EP300: variants seen among roughly 807,000 people sequenced by gnomAD.
The protein encoded by EP300 is histone acetyltransferase p300.
A neutral mutation model predicts 264.0 loss-of-function variants in EP300; 31 were observed. The observed-to-expected ratio is 0.12, with a 90% CI of 0.09 to 0.16. The LOEUF (loss-of-function observed/expected upper bound fraction) is 0.16. Among genes scored for constraint, EP300 ranks in the 10% least tolerant of loss-of-function variants. The probability of loss-of-function intolerance (pLI) is 1.00; values close to 1 mark genes in which losing one functional copy is unlikely to be tolerated. For synonymous variants in EP300, 1,340 were observed against 1,045.4 expected, an observed-to-expected ratio of 1.28 and a Z score of -5.44; for missense variants, 2,766 against 3,052.9, an observed-to-expected ratio of 0.91 and a Z score of 2.21.
At chr22:41,148,096 A>G in intron 12 of EP300, 150 bp downstream of exon 12, 1 of 668,468 alleles carries the variant, frequency 1.5e-6, no homozygotes, top group South Asian at 2.4e-5. Flanking sequence ...TCTACTAGAA[A>G]GCTGACCAAA....
chr22:41,129,160 G>A (rs1012840233), intron 4 of EP300, among the ~76,000 whole-genome samples: 37 of 98,416 alleles, frequency 3.8e-4, no homozygotes, highest in Non-Finnish European at 7.2e-4. Flanking sequence ...ACAGGCGCCC[G>A]CCACCATGGC....
At position 41,179,050 on chromosome 22, in the gene EP300, A is replaced by AAAAG; in HGVS notation, c.*96_*99dup. The AAAAG allele has an allele frequency of 6.8e-7, 1 of 1,473,376 alleles. No homozygotes were observed. Among genetic ancestry groups the AAAAG allele is most frequent in the Non-Finnish European group, 9.3e-7 (1 of 1,077,812 alleles). 91.3% of individuals were successfully genotyped at this position (1,473,376 alleles called of 1,614,324 possible). On this transcript the variant is annotated 3_prime_UTR_variant, in exon 31 of 31. Transcript: ENST00000263253. The stretch of plus-strand genomic sequence containing the variant: ...AATTTTTTTGAATCTTTCGTAGCCT[A>AAAAG]AAAGACAATTTTCCTTGGAACACAT...
chr22:41,150,208 G>C lies in EP300; in HGVS notation c.2817+10G>C. ...GCAGCCTGCAACTCCAGTAAGTAGA[G>C]ATTTGGATTTAGGCAGAATCATTAG... On this transcript the variant is annotated intron_variant, in intron 14 of 30. Coordinates refer to ENST00000263253, the MANE Select transcript of EP300 (RefSeq NM_001429.4). The C allele has an allele frequency of 6.3e-7, 1 of 1,598,614 alleles. No homozygotes were observed. The highest frequency in any genetic ancestry group is 2.2e-5 in the East Asian group (1 of 44,520).
chr22:41,170,808 C>A (rs1216323597), intron 27 of EP300, among the ~76,000 whole-genome samples: 1 of 151,680 alleles, frequency 6.6e-6, no homozygotes, highest in Non-Finnish European at 1.5e-5. Flanking sequence ...ACTACAGGCT[C>A]CTGCCATCAC....
intron 1 of EP300, among the ~76,000 whole-genome samples, chr22:41,109,031 TTGGGAGGCCAAGG>T (rs1265748148): frequency 6.6e-6 from 1 of 152,112 alleles, no homozygotes; most frequent in African/African-American, 2.4e-5. Context: ...TCCCAGCACT[TTGGGAGGCCAAGG>T]TGGGAGGCTT....
In EP300 at chr22:41,176,940, C is replaced by T; in HGVS notation, c.5229C>T (p.Val1743=). 2 of 1,614,188 alleles carry T rather than the reference C, an allele frequency of 1.2e-6. No individual in the cohort carries two copies. The highest frequency in any genetic ancestry group is 1.7e-6 in the Non-Finnish European group (2 of 1,180,040). Residue 1743 remains valine, a synonymous_variant, in exon 31 of 31, where the codon GTC becomes GTT. Coordinates refer to ENST00000263253, the MANE Select transcript of EP300 (RefSeq NM_001429.4). ...TCCAGCGCTGCATCCAGTCTCTGGT[C>T]CATGCTTGCCAGTGTCGGAATGCCA... ...LSIQRCIQSL[V]HACQCRNANC...
chr22:41,124,980 G>C (rs548367981), intron 2 of EP300, among the ~76,000 whole-genome samples: 1 of 151,644 alleles, frequency 6.6e-6, no homozygotes, highest in Admixed American at 6.6e-5. Context: ...CTCTGTTGCC[G>C]AGGCTGGAGT....
chr22:41,178,432 CAGAT>C lies in EP300; in HGVS notation c.6724_6727del (p.Ile2242AlafsTer36). On this transcript the variant is annotated frameshift_variant, in exon 31 of 31. Transcript: ENST00000263253. LOFTEE classifies it high-confidence loss of function. ...ACAGATGCAACAAGGAAATATGGGA[CAGAT>C]AGGCCAGCTTCCCCAGGCCTTGGGA... 6.2e-7 allele frequency: 1 copy of C among 1,614,140 alleles called. No individual in the cohort carries two copies. The highest frequency in any genetic ancestry group is 2.2e-5 in the East Asian group (1 of 44,880).
rs778763066 is a variant in EP300, at chr22:41,152,161, A to G, written c.2998-45A>G. The G allele has an allele frequency of 7.5e-6, 12 of 1,604,416 alleles. No individual in the cohort carries two copies. The Admixed American group carries it at 1.7e-4, about 22-fold the overall frequency. ...AGGGTGTTCAGATTACTGATTCCCAACTAGATATCTTTGGAATACTAAAAA... is the reference window on the plus strand; with the variant it reads ...AGGGTGTTCAGATTACTGATTCCCAGCTAGATATCTTTGGAATACTAAAAA... On this transcript the variant is annotated intron_variant, in intron 15 of 30. Coordinates refer to ENST00000263253, the MANE Select transcript of EP300 (RefSeq NM_001429.4).
At chr22:41,157,852 T>C (rs1345420348) in intron 18 of EP300, among the ~76,000 whole-genome samples, 1 of 152,168 alleles carries the variant, frequency 6.6e-6, no homozygotes, top group African/African-American at 2.4e-5. Flanking sequence ...TGTGCCACAG[T>C]AGTAATATCT....
chr22:41,156,866 A>C (rs1229121741), intron 17 of EP300, among the ~76,000 whole-genome samples: 1 of 152,212 alleles, frequency 6.6e-6, no homozygotes, highest in African/African-American at 2.4e-5. Context: ...CTAAAATTTT[A>C]AATGTCTTTG....
intron 1 of EP300, among the ~76,000 whole-genome samples, chr22:41,111,544 CCTT>C (rs1408579118): frequency 4.0e-5 from 6 of 151,768 alleles, no homozygotes; most frequent in African/African-American, 9.7e-5. Context: ...TTCTTTCTTT[CCTT>C]CTTTTTTGTT....
chr22:41,175,396 T>C (rs1011223438), intron 29 of EP300, among the ~76,000 whole-genome samples: 3 of 152,256 alleles, frequency 2.0e-5, no homozygotes, highest in Non-Finnish European at 2.9e-5. Flanking sequence ...TAGGTGTTTA[T>C]AGTTATATAC....
At chr22:41,150,816 G>GT (rs2059039881) in intron 14 of EP300, among the ~76,000 whole-genome samples, 1 of 151,690 alleles carries the variant, frequency 6.6e-6, no homozygotes, top group Non-Finnish European at 1.5e-5. Context: ...GCTTGAACCT[G>GT]GGAGGTGGAG....
chr22:41,118,742 G>T (rs1008697429), intron 2 of EP300, among the ~76,000 whole-genome samples: 1 of 151,896 alleles, frequency 6.6e-6, no homozygotes, highest in East Asian at 1.9e-4. Flanking sequence ...GATCGCTTGA[G>T]CCCAGGAGTT....
At chr22:41,132,519 C>A (rs1354379587) in intron 6 of EP300, among the ~76,000 whole-genome samples, 3 of 151,992 alleles carry the variant, frequency 2.0e-5, no homozygotes, top group Non-Finnish European at 4.4e-5. Flanking sequence ...AATCTCTTGA[C>A]CTCGTGATCC....
intron 8 of EP300, among the ~76,000 whole-genome samples, chr22:41,138,412 CCT>C (rs903715977): frequency 3.0e-4 from 46 of 152,174 alleles, no homozygotes; most frequent in African/African-American, 1.1e-3. Context: ...GATCCGCCTG[CCT>C]CAGCTTCCCA....
chr22:41,150,017 A>C lies in EP300; in HGVS notation c.2636A>C (p.His879Pro), dbSNP rs747453239. 3 of 1,613,454 alleles carry C rather than the reference A, an allele frequency of 1.9e-6. No individual in the cohort carries two copies. Among genetic ancestry groups the C allele is most frequent in the Non-Finnish European group, 2.5e-6 (3 of 1,179,922 alleles). ...CCTGGGCCACAGTCCCAGGCTCTAC[A>C]TCCCCCTCCAAGGCAGACACCTACA... ...MPPGPQSQAL[H>P]PPPRQTPTPP... The change falls in exon 14 of 31, where the codon CAT becomes CCT. Residue 879 changes from histidine to proline, a missense_variant. His to Pro is a moderately conservative substitution (Grantham distance 77, BLOSUM62 -2). Transcript: ENST00000263253.
At chr22:41,136,870 G>A (rs1007240068) in intron 7 of EP300, among the ~76,000 whole-genome samples, 6 of 151,544 alleles carry the variant, frequency 4.0e-5, no homozygotes, top group African/African-American at 1.5e-4. Context: ...GACCAGCCTG[G>A]GCAACATGGC....
Sources: gnomAD v4.1 joint callset for allele counts (sites outside exome capture counted in the v4.1 genomes callset) on GRCh38, gnomAD v4.1.1 for gene constraint, MANE v1.5 for transcripts, NCBI Gene and HGNC (gene_info 2026-07-23, HGNC 2026-07-21) for gene names.